CLSTN2: variants seen among roughly 807,000 people sequenced by gnomAD.
CLSTN2 encodes the protein calsyntenin 2.
CLSTN2 carries 48 observed loss-of-function variants against 101.2 expected under a neutral mutation model. The ratio of observed to expected loss-of-function variants is 0.47; its 90% CI spans 0.38 to 0.60. CLSTN2 has a LOEUF of 0.60. CLSTN2 is among the 20% of genes least tolerant of loss of function. The pLI, the probability that CLSTN2 is intolerant of heterozygous loss-of-function variation, is 0.00. For missense variants in CLSTN2, 1,160 were observed against 1,238.2 expected, an observed-to-expected ratio of 0.94 and a Z score of 0.95; for synonymous variants, 481 against 463.6, an observed-to-expected ratio of 1.04 and a Z score of -0.48.
chr3:140,531,566 G>A (rs976571778), intron 8 of CLSTN2, among the ~76,000 whole-genome samples: 1 of 152,076 alleles, frequency 6.6e-6, no homozygotes, highest in African/African-American at 2.4e-5. Flanking sequence ...CACAGGGTGT[G>A]GGGGGATTAG....
intron 1 of CLSTN2, among the ~76,000 whole-genome samples, chr3:140,163,352 C>G (rs2010081360): frequency 6.6e-6 from 1 of 151,650 alleles, no homozygotes; most frequent in South Asian, 2.1e-4. Flanking sequence ...CAGGCCTGAC[C>G]TACAGTTCTC....
At chr3:140,369,065 T>A (rs2087823565) in intron 2 of CLSTN2, among the ~76,000 whole-genome samples, 1 of 152,148 alleles carries the variant, frequency 6.6e-6, no homozygotes, top group Non-Finnish European at 1.5e-5. Flanking sequence ...TCTTTTAGGA[T>A]GAGACTTGCC....
At chr3:140,447,979 A>G (rs4683497) in intron 5 of CLSTN2, among the ~76,000 whole-genome samples, 56,801 of 152,088 alleles carry the variant, frequency 0.37, 12,518 homozygotes, top group Middle Eastern at 0.5. Flanking sequence ...AAATTTACCT[A>G]TATAACAAAC....
intron 1 of CLSTN2, among the ~76,000 whole-genome samples, chr3:140,172,491 G>A (rs2010255398): frequency 6.6e-6 from 1 of 152,126 alleles, no homozygotes; most frequent in South Asian, 2.1e-4. Flanking sequence ...TCCTGGCACA[G>A]TCTTATTTCA....
chr3:140,394,631 C>CT (rs35294504), intron 2 of CLSTN2, among the ~76,000 whole-genome samples: 87,169 of 151,960 alleles, frequency 0.57, 25,738 homozygotes, highest in South Asian at 0.7. Flanking sequence ...TTGCACTTAA[C>CT]TTTTTGTCCA....
At chr3:140,549,896 C>G (rs999679680) in intron 10 of CLSTN2, among the ~76,000 whole-genome samples, 8 of 150,884 alleles carry the variant, frequency 5.3e-5, no homozygotes, top group Non-Finnish European at 1.2e-4. Context: ...TCTTCTGAAT[C>G]ATGCATATTT....
intron 16 of CLSTN2, among the ~76,000 whole-genome samples, chr3:140,565,539 T>C (rs983667565): frequency 1.3e-5 from 2 of 152,162 alleles, no homozygotes; most frequent in Non-Finnish European, 2.9e-5. Context: ...TGAGGACCAA[T>C]AAATTTGTCC....
intron 5 of CLSTN2, among the ~76,000 whole-genome samples, chr3:140,442,386 T>C (rs764283271): frequency 2.0e-5 from 3 of 152,172 alleles, no homozygotes; most frequent in African/African-American, 4.8e-5. Flanking sequence ...TGCCCTGCCT[T>C]ACCTGTTTCT....
chr3:140,425,295 A>C (rs1246117542), intron 5 of CLSTN2, among the ~76,000 whole-genome samples: 1 of 152,178 alleles, frequency 6.6e-6, no homozygotes, highest in Non-Finnish European at 1.5e-5. Context: ...CGCAGGGCCC[A>C]TGAGGACTTG....
intron 1 of CLSTN2, among the ~76,000 whole-genome samples, chr3:139,995,928 T>C (rs2006642079): frequency 6.6e-6 from 1 of 152,248 alleles, no homozygotes; most frequent in Admixed American, 6.5e-5. Context: ...ATTTTCATTA[T>C]GTACTATTAG....
chr3:140,451,395 G>C (rs559595265), intron 6 of CLSTN2, among the ~76,000 whole-genome samples: 162 of 152,276 alleles, frequency 1.1e-3, no homozygotes, highest in African/African-American at 3.8e-3. Flanking sequence ...AGCCAGCAAG[G>C]CCGTTTCCCC....
rs1273851199 is a variant in CLSTN2, at chr3:140,568,597, T to C, written c.*2344T>C. ...CTTTAGTTGGGCATTTAGGAGCAAC[T>C]GAATTCTCCCAAAATTGTGGCAGCA... On this transcript the variant is annotated 3_prime_UTR_variant, in exon 17 of 17. Coordinates refer to ENST00000458420, the MANE Select transcript of CLSTN2 (RefSeq NM_022131.3). The C allele has an allele frequency of 6.6e-6, 1 of 152,240 alleles. No individual in the cohort carries two copies. Among genetic ancestry groups the C allele is most frequent in the East Asian group, 1.9e-4 (1 of 5,196 alleles). 9.4% of individuals were successfully genotyped at this position (152,240 alleles called of 1,614,324 possible). A position where few individuals can be genotyped will look rare whatever the true frequency, so the allele number is the denominator to read the frequency against.
rs77963882 is a variant in CLSTN2 at position 140,377,591 on chromosome 3, A to T, written c.233-26038A>T. On this transcript the variant is annotated intron_variant, in intron 2 of 16. Coordinates refer to ENST00000458420, the MANE Select transcript of CLSTN2 (RefSeq NM_022131.3). ...TTAACAAAAAGCTTAATAAATAAAA[A>T]TAAATTGCAAAAGTAGAAAAAAGCT... is the stretch of plus-strand genomic sequence containing the variant. Among the ~76,000 whole-genome samples the T allele has an allele frequency of 5.9e-3, 906 of 152,344 alleles. 9 individuals carry two copies. The highest frequency in any genetic ancestry group is 9.5e-3 in the Non-Finnish European group (643 of 68,042).
intron 1 of CLSTN2, among the ~76,000 whole-genome samples, chr3:140,041,337 A>G (rs2007758088): frequency 6.6e-6 from 1 of 152,100 alleles, no homozygotes; most frequent in Admixed American, 6.5e-5. Flanking sequence ...GAAGGTTTTT[A>G]TTTTATAGAT....
At chr3:140,231,933 T>C (rs1369870884) in intron 2 of CLSTN2, among the ~76,000 whole-genome samples, 1 of 152,184 alleles carries the variant, frequency 6.6e-6, no homozygotes, top group African/African-American at 2.4e-5. Flanking sequence ...CTTTGTGACT[T>C]TGGGCAAGTT....
chr3:140,397,089 CA>C (rs1266486874), intron 2 of CLSTN2, among the ~76,000 whole-genome samples: 1 of 151,648 alleles, frequency 6.6e-6, no homozygotes, highest in African/African-American at 2.4e-5. Flanking sequence ...CATATTAACA[CA>C]AGTAACATAA....
At chr3:140,146,477 C>G (rs1330799841) in intron 1 of CLSTN2, among the ~76,000 whole-genome samples, 1 of 152,216 alleles carries the variant, frequency 6.6e-6, no homozygotes, top group East Asian at 1.9e-4. Context: ...GGAGTCTGTA[C>G]TGTAGAAACA....
rs78284609 is a variant in CLSTN2 at position 140,036,981 on chromosome 3, C to T, written c.109+101498C>T. Among the ~76,000 whole-genome samples, 1,435 of 152,070 alleles carry T rather than the reference C, an allele frequency of 9.4e-3. 21 individuals carry two copies. The highest frequency in any genetic ancestry group is 0.033 in the African/African-American group (1,388 of 41,468). ...AAAAAATTAAAACATAATTCCTGTACCCTGAGATAATTAAAGTCTGCATTT... is the reference window on the plus strand; with the variant it reads ...AAAAAATTAAAACATAATTCCTGTATCCTGAGATAATTAAAGTCTGCATTT... On this transcript the variant is annotated intron_variant, in intron 1 of 16. Transcript: ENST00000458420.
At chr3:140,384,939 A>G (rs1216784196) in intron 2 of CLSTN2, among the ~76,000 whole-genome samples, 16 of 152,170 alleles carry the variant, frequency 1.1e-4, no homozygotes. Flanking sequence ...GATCTTTTGC[A>G]CCTGCCATTG....
Sources: allele counts gnomAD v4.1 joint callset (sites outside exome capture counted in the v4.1 genomes callset), GRCh38; gene constraint gnomAD v4.1.1; transcripts MANE v1.5; gene names NCBI Gene and HGNC (gene_info 2026-07-23, HGNC 2026-07-21).